Variants in GZF1 observed in about 807,000 individuals in gnomAD.
The protein encoded by GZF1 is GDNF inducible zinc finger protein 1.
A neutral mutation model predicts 49.4 loss-of-function variants in GZF1; 28 were observed. The observed-to-expected ratio is 0.57, with a 90% CI of 0.42 to 0.78. GZF1 has a LOEUF of 0.78. Among genes scored for constraint, GZF1 ranks in the 30% least tolerant of loss-of-function variants. The probability of loss-of-function intolerance (pLI) is 0.00; values close to 1 mark genes in which losing one functional copy is unlikely to be tolerated. For missense variants in GZF1, 798 were observed against 916.2 expected (o/e 0.87, Z 1.67); for synonymous variants, 364 against 356.0 (o/e 1.02, Z -0.25).
chr20:23,368,438 C>T (rs1981661640), intron 3 of GZF1, among the ~76,000 whole-genome samples: 1 of 152,180 alleles, frequency 6.6e-6, no homozygotes. Context: ...TCCAGCAGTT[C>T]CTCCAAACAG....
intron 3 of GZF1, 114 bp from the exon 4 acceptor site, chr20:23,368,648 T>G (rs1981692416): frequency 5.4e-6 from 3 of 552,862 alleles, no homozygotes; most frequent in Non-Finnish European, 9.1e-6. Flanking sequence ...AAATGTAACA[T>G]GCTGCCTACC....
At chr20:23,364,270 C>G in intron 1 of GZF1, 93 bp from the exon 2 acceptor site, 1 of 704,348 alleles carries the variant, frequency 1.4e-6, no homozygotes, top group Non-Finnish European at 2.4e-6. Context: ...GTTAATGAGT[C>G]TATATCCTCT....
At chr20:23,366,887 G>A in intron 2 of GZF1, 116 bp from the exon 3 acceptor site, 1 of 727,202 alleles carries the variant, frequency 1.4e-6, no homozygotes, top group Non-Finnish European at 2.4e-6. Context: ...TGTCACTACA[G>A]TCATTCTCAT....
chr20:23,368,849 C>A lies in GZF1; in HGVS notation c.1547C>A (p.Ser516Tyr), dbSNP rs1228199676. 1.2e-6 allele frequency: 2 copies of A among 1,613,788 alleles called. No homozygotes were observed. Among genetic ancestry groups the A allele is most frequent in the Admixed American group, 1.7e-5 (1 of 60,030 alleles). The change falls in exon 4 of 6, where the codon TCC (serine) becomes TAC (tyrosine). Residue 516 changes from serine (S) to tyrosine (Y), a missense_variant. This residue lies in a region of GZF1 where 446 missense variants were observed against 540.1 expected (regional missense o/e 0.83). Transcript: ENST00000338121. Reference protein sequence around the residue: ...LKHHNRIHTGSKPFKCEVCFR... With the variant: ...LKHHNRIHTGYKPFKCEVCFR... ...CACCACAATAGAATCCATACTGGAT[C>A]CAAACCCTTTAAATGTGAAGTATGT...
At position 23,369,564 on chromosome 20, in the gene GZF1, C is replaced by A. The variant is rs1196666465; in HGVS notation, c.1628-20C>A. 3.8e-6 allele frequency: 6 copies of A among 1,591,378 alleles called. No homozygotes were observed. The highest frequency in any genetic ancestry group is 5.1e-6 in the Non-Finnish European group (6 of 1,167,346). ...TAGGCCAAAGGGACCCACCAGCAGT[C>A]TCCTCTCTCCCTGCCTCAGGGGAGC... On this transcript the variant is annotated intron_variant, in intron 4 of 5. Coordinates refer to ENST00000338121, the MANE Select transcript of GZF1 (RefSeq NM_022482.5).
rs1982216621 is a variant in GZF1, at chr20:23,372,914, C to G, written c.*2473C>G. On this transcript the variant is annotated 3_prime_UTR_variant, in exon 6 of 6. Transcript: ENST00000338121. ...TTGCTGTCGTTTGGAAAAAATGGGC[C>G]ATGTGGTGGAGACCTTTATTTAAGG... 1 of 152,170 alleles carries G rather than the reference C, an allele frequency of 6.6e-6. No homozygotes were observed. Among genetic ancestry groups the G allele is most frequent in the Non-Finnish European group, 1.5e-5 (1 of 68,024 alleles). The allele number at this position is 152,170 out of a possible 1,614,324, so 9.4% of individuals were successfully genotyped here. A position where few individuals can be genotyped will look rare whatever the true frequency, so the allele number is the denominator to read the frequency against.
At chr20:23,368,199 T>C (rs6083092) in intron 3 of GZF1, among the ~76,000 whole-genome samples, 37,811 of 151,844 alleles carry the variant, frequency 0.25, 5,385 homozygotes, top group Middle Eastern at 0.37. Context: ...ATGGTAAGAT[T>C]TTATTAAAGT....
chr20:23,364,595 A>T lies in GZF1; in HGVS notation c.212A>T (p.Asp71Val). 6.2e-7 allele frequency: 1 copy of T among 1,614,208 alleles called. No homozygotes were observed. The highest frequency in any genetic ancestry group is 8.5e-7 in the Non-Finnish European group (1 of 1,180,042). The change falls in exon 2 of 6, where the codon GAT becomes GTT. Residue 71 changes from aspartate to valine, a missense_variant. Transcript: ENST00000338121. ...KEVFLNEKSV[D>V]GTRTNVYLNE... is the part of the protein sequence containing the mutation. Reference sequence around the variant, plus strand: ...GTGTTCCTTAATGAGAAGAGTGTGGATGGTACTAGGACTAATGTCTACTTA... The same window carrying T: ...GTGTTCCTTAATGAGAAGAGTGTGGTTGGTACTAGGACTAATGTCTACTTA...
chr20:23,361,449 G>A (rs1415879180), upstream of GZF1, among the ~76,000 whole-genome samples: 1 of 152,238 alleles, frequency 6.6e-6, no homozygotes, highest in Non-Finnish European at 1.5e-5. Flanking sequence ...GGGAAGTTCT[G>A]TAGTGAACAA....
intron 4 of GZF1, 125 bp from the exon 5 acceptor site, chr20:23,369,455 ACCTT>A: frequency 3.8e-6 from 3 of 794,382 alleles, no homozygotes; most frequent in South Asian, 4.0e-5. Flanking sequence ...TCCCAACATA[ACCTT>A]CCTTATGTTG....
chr20:23,369,000 A>C (rs765180558), intron 4 of GZF1, 71 bp downstream of exon 4: 38 of 1,356,636 alleles, frequency 2.8e-5, no homozygotes, highest in Non-Finnish European at 3.5e-5. Flanking sequence ...TTGTAGATTT[A>C]CCAGTAAATT....
chr20:23,361,378 G>C (rs1200178504), upstream of GZF1, among the ~76,000 whole-genome samples: 1 of 152,242 alleles, frequency 6.6e-6, no homozygotes, highest in Non-Finnish European at 1.5e-5. Flanking sequence ...GCAAGATTTC[G>C]AGGAGTCAGC....
At chr20:23,363,092 C>G (rs1201002079) in intron 1 of GZF1, 2 of 152,216 alleles carry the variant, frequency 1.3e-5, no homozygotes, top group Non-Finnish European at 2.9e-5. Flanking sequence ...CAGCGGAACT[C>G]CCAGAGGGCA....
chr20:23,362,284 C>G (rs1187694497), intron 1 of GZF1, 47 bp downstream of exon 1: 2 of 152,216 alleles, frequency 1.3e-5, no homozygotes, highest in Non-Finnish European at 2.9e-5. Context: ...CGCCGCCCGC[C>G]GCCGCCTCTT....
rs747062090 is a variant in GZF1, at chr20:23,365,001, CAAG to C, written c.624_626del (p.Lys209del). The C allele has an allele frequency of 1.9e-6, 3 of 1,614,064 alleles. No homozygotes were observed. The Admixed American group carries it at 5.0e-5, about 27-fold the overall frequency. On this transcript the variant is annotated inframe_deletion, in exon 2 of 6. Transcript: ENST00000338121. ...CGAAGAAGTCCAAGGACAAACTAGA[CAAG>C]AAGAAAGAGGTAGTTAAACCTCCCT...
rs200034324 is a variant in GZF1 at position 23,370,421 on chromosome 20, T to C, written c.2116T>C (p.Ser706Pro). The change falls in exon 6 of 6, where the codon TCT (serine) becomes CCT (proline). Residue 706 changes from serine to proline, a missense_variant. Physicochemically the swap from Ser to Pro is moderately conservative, Grantham distance 74. Coordinates refer to ENST00000338121, the MANE Select transcript of GZF1 (RefSeq NM_022482.5). ...AGACTCGATGCCCACACAGCTTCAC[T>C]CTTTGAGCAACATGGAATAAGAGCT... ...QTDSMPTQLH[S>P]LSNME The C allele has an allele frequency of 6.2e-7, 1 of 1,611,620 alleles. No homozygotes were observed. The highest frequency in any genetic ancestry group is 8.5e-7 in the Non-Finnish European group (1 of 1,177,860).
At chr20:23,362,091 G>C (rs1228624956), upstream of GZF1, 1 of 152,218 alleles carries the variant, frequency 6.6e-6, no homozygotes, top group Admixed American at 6.5e-5. Context: ...GCCCCGCCAG[G>C]GGCGGGGCCG....
At chr20:23,367,540 C>A (rs1024258750) in intron 3 of GZF1, among the ~76,000 whole-genome samples, 2 of 152,058 alleles carry the variant, frequency 1.3e-5, no homozygotes, top group East Asian at 3.9e-4. Flanking sequence ...GGCTTATGAC[C>A]CGGCTATTCA....
chr20:23,365,599 C>T lies in GZF1; in HGVS notation c.1216C>T (p.Arg406Trp). 1 of 1,608,216 alleles carries T rather than the reference C, an allele frequency of 6.2e-7. No individual in the cohort carries two copies. Among genetic ancestry groups the T allele is most frequent in the Non-Finnish European group, 8.5e-7 (1 of 1,179,442 alleles). The change falls in exon 2 of 6, where the codon CGG becomes TGG. Residue 406 changes from arginine (R) to tryptophan (W), a missense_variant. Arg to Trp is a moderately radical substitution (Grantham distance 101, BLOSUM62 -3). This residue lies in a region of GZF1 where 446 missense variants were observed against 540.1 expected (regional missense o/e 0.83). Transcript: ENST00000338121. ...GCAGGTGCATGAGGGCGGCGGCGAG[C>T]GGCACCGCTGCGGCCAGTGCGGCAA... is the stretch of plus-strand genomic sequence containing the variant. ...VLQVHEGGGE[R>W]HRCGQCGKGL...
Sources: gnomAD v4.1 joint callset for allele counts (sites outside exome capture counted in the v4.1 genomes callset) on GRCh38, gnomAD v4.1.1 for gene constraint, gnomAD v4.1.1 regional missense constraint, MANE v1.5 for transcripts, NCBI Gene and HGNC (gene_info 2026-07-23, HGNC 2026-07-21) for gene names.